Variants in HOOK3 observed in about 807,000 individuals in gnomAD.
HOOK3 encodes protein Hook homolog 3.
In HOOK3, 24 loss-of-function variants were observed where a neutral mutation model predicts 116.3. The observed-to-expected ratio is 0.21, with a 90% confidence interval of 0.15 to 0.29. The LOEUF (loss-of-function observed/expected upper bound fraction) is 0.29, where lower values mean the gene tolerates loss of function less well. Among genes scored for constraint, HOOK3 ranks in the 10% least tolerant of loss-of-function variants. The pLI is 1.00. For missense variants in HOOK3, 632 were observed against 830.2 expected (o/e 0.76, Z 2.93); for synonymous variants, 275 against 283.0 (o/e 0.97, Z 0.28).
intron 4 of HOOK3, among the ~76,000 whole-genome samples, chr8:42,939,593 C>T (rs1483169690): frequency 9.0e-5 from 13 of 143,668 alleles, no homozygotes; most frequent in South Asian, 2.2e-4. Context: ...ACCTCCCTCC[C>T]GGACGGGCTG....
In HOOK3 at chr8:43,021,439, G is replaced by C. The variant is rs955284543; in HGVS notation, c.*2941G>C. 1.7e-5 allele frequency: 3 copies of C among 171,604 alleles called. No individual in the cohort carries two copies. The highest frequency in any genetic ancestry group is 7.2e-5 in the African/African-American group (3 of 41,858). 10.6% of individuals were successfully genotyped at this position (171,604 alleles called of 1,614,324 possible). On this transcript the variant is annotated 3_prime_UTR_variant, in exon 22 of 22. Coordinates refer to ENST00000307602, the MANE Select transcript of HOOK3 (RefSeq NM_032410.4). ...CTGCCTCAGCCTCCAGAGTAGCTGG[G>C]ATTACAGGTGCCCACCACCATGGCT...
At chr8:42,976,464 C>T (rs542957227) in intron 13 of HOOK3, among the ~76,000 whole-genome samples, 2 of 152,074 alleles carry the variant, frequency 1.3e-5, no homozygotes, top group African/African-American at 4.8e-5. Flanking sequence ...GAGCTGAGGT[C>T]GCACTACTGC....
intron 1 of HOOK3, among the ~76,000 whole-genome samples, chr8:42,900,869 G>A (rs1807173177): frequency 6.6e-6 from 1 of 152,224 alleles, no homozygotes; most frequent in African/African-American, 2.4e-5. Context: ...CTAAAACACA[G>A]ATGCCCAGAG....
intron 4 of HOOK3, among the ~76,000 whole-genome samples, chr8:42,938,387 C>T (rs1456686231): frequency 6.6e-6 from 1 of 152,074 alleles, no homozygotes; most frequent in African/African-American, 2.4e-5. Context: ...GGGCATTTAG[C>T]CCATTTACAT....
intron 9 of HOOK3, among the ~76,000 whole-genome samples, chr8:42,964,939 C>T (rs1044620438): frequency 2.0e-5 from 3 of 152,228 alleles, no homozygotes; most frequent in South Asian, 2.1e-4. Context: ...AACTACTTCA[C>T]GTCTAGGAAG....
intron 2 of HOOK3, among the ~76,000 whole-genome samples, chr8:42,919,041 G>A (rs1351025997): frequency 2.0e-4 from 30 of 149,948 alleles, no homozygotes; most frequent in African/African-American, 5.9e-4. Flanking sequence ...CTGGCCGGGC[G>A]GGGGCTGCCC....
intron 7 of HOOK3, among the ~76,000 whole-genome samples, chr8:42,957,486 C>T (rs1808457354): frequency 6.6e-6 from 1 of 151,988 alleles, no homozygotes; most frequent in Non-Finnish European, 1.5e-5. Flanking sequence ...CCACATTTAA[C>T]ACAATAGATG....
chr8:42,927,139 A>C (rs1403192243), intron 3 of HOOK3, among the ~76,000 whole-genome samples: 1 of 151,774 alleles, frequency 6.6e-6, no homozygotes, highest in Non-Finnish European at 1.5e-5. Context: ...CCCAAGAAAC[A>C]TGTTTGATAA....
In HOOK3 at chr8:43,025,042, C is replaced by T. The variant is rs1279639478; in HGVS notation, c.*6544C>T. 9.6e-6 allele frequency: 2 copies of T among 208,570 alleles called. No individual in the cohort carries two copies. Among genetic ancestry groups the T allele is most frequent in the Non-Finnish European group, 1.9e-5 (2 of 102,656 alleles). 12.9% of individuals were successfully genotyped at this position (208,570 alleles called of 1,614,324 possible). A position where few individuals can be genotyped will look rare whatever the true frequency, so the allele number is the denominator to read the frequency against. ...TTATAAAACATTTAATTCATGTTGACTTAAAACATGGGCATCCTTGGATTC... is the reference window on the plus strand; with the variant it reads ...TTATAAAACATTTAATTCATGTTGATTTAAAACATGGGCATCCTTGGATTC... On this transcript the variant is annotated 3_prime_UTR_variant, in exon 22 of 22. Coordinates refer to ENST00000307602, the MANE Select transcript of HOOK3 (RefSeq NM_032410.4).
intron 2 of HOOK3, among the ~76,000 whole-genome samples, chr8:42,909,800 T>G (rs1247134967): frequency 6.6e-6 from 1 of 152,204 alleles, no homozygotes; most frequent in Admixed American, 6.5e-5. Context: ...TTCAACAACG[T>G]GGACAAACCT....
intron 18 of HOOK3, 80 bp downstream of exon 18, chr8:43,008,009 A>G: frequency 1.7e-6 from 1 of 605,010 alleles, no homozygotes. Flanking sequence ...CATAATTTTT[A>G]ATTATTTATT....
intron 3 of HOOK3, 49 bp from the exon 4 acceptor site, chr8:42,930,073 T>G: frequency 6.6e-7 from 1 of 1,520,008 alleles, no homozygotes; most frequent in South Asian, 1.3e-5. Context: ...TAAATTATGT[T>G]TTGATCTGTC....
chr8:42,926,098 A>C (rs1807760083), intron 3 of HOOK3, among the ~76,000 whole-genome samples: 1 of 152,230 alleles, frequency 6.6e-6, no homozygotes, highest in Non-Finnish European at 1.5e-5. Context: ...GTAACCTTTA[A>C]GTATTTTACA....
intron 5 of HOOK3, among the ~76,000 whole-genome samples, chr8:42,946,667 C>T (rs1808233693): frequency 6.6e-6 from 1 of 151,120 alleles, no homozygotes; most frequent in Admixed American, 6.6e-5. Flanking sequence ...GAAGTTATGA[C>T]TAATTTTATT....
chr8:43,010,417 T>C lies in HOOK3; in HGVS notation c.1839+12T>C. The C allele has an allele frequency of 8.8e-7, 1 of 1,138,716 alleles. No homozygotes were observed. The highest frequency in any genetic ancestry group is 1.2e-6 in the Non-Finnish European group (1 of 812,062). 70.5% of individuals were successfully genotyped at this position (1,138,716 alleles called of 1,614,324 possible). Reference sequence around the variant, plus strand: ...AGAAAGCCAAAAGTGTAAGTATGAATTTTGTAGGCATCTCACTCTACCTTC... The same window carrying C: ...AGAAAGCCAAAAGTGTAAGTATGAACTTTGTAGGCATCTCACTCTACCTTC... On this transcript the variant is annotated intron_variant, in intron 19 of 21. Coordinates refer to ENST00000307602, the MANE Select transcript of HOOK3 (RefSeq NM_032410.4).
intron 4 of HOOK3, among the ~76,000 whole-genome samples, chr8:42,936,435 G>C (rs1476239939): frequency 6.6e-6 from 1 of 152,138 alleles, no homozygotes; most frequent in Admixed American, 6.5e-5. Flanking sequence ...TGTTGAATAG[G>C]AGTGGTGAGA....
intron 4 of HOOK3, among the ~76,000 whole-genome samples, chr8:42,939,969 G>A (rs1403951153): frequency 6.6e-6 from 1 of 151,702 alleles, no homozygotes; most frequent in Non-Finnish European, 1.5e-5. Context: ...TGGGATGGCG[G>A]CCGGGCAGAG....
chr8:42,932,854 T>C (rs750076061), intron 4 of HOOK3, among the ~76,000 whole-genome samples: 16 of 152,212 alleles, frequency 1.1e-4, no homozygotes, highest in Non-Finnish European at 2.2e-4. Context: ...CCCATACCTA[T>C]ATGATTCAGT....
intron 14 of HOOK3, among the ~76,000 whole-genome samples, chr8:42,984,776 C>A (rs750822010): frequency 6.6e-6 from 1 of 151,952 alleles, no homozygotes; most frequent in East Asian, 1.9e-4. Flanking sequence ...TGCTAGCACA[C>A]GCCTGTAATC....
Sources: allele counts gnomAD v4.1 joint callset (sites outside exome capture counted in the v4.1 genomes callset), GRCh38; gene constraint gnomAD v4.1.1; transcripts MANE v1.5; gene names NCBI Gene and HGNC (gene_info 2026-07-23, HGNC 2026-07-21).